Variants in PTPRT observed in about 807,000 individuals in gnomAD.
PTPRT encodes the protein receptor-type tyrosine-protein phosphatase T.
Under a neutral mutation model 176.8 loss-of-function variants are expected in PTPRT, and 56 were observed. The ratio of observed to expected loss-of-function variants is 0.32; its 90% CI spans 0.26 to 0.40. The LOEUF (loss-of-function observed/expected upper bound fraction) is 0.40. Among genes scored for constraint, PTPRT ranks in the 10% least tolerant of loss-of-function variants. The pLI, the probability that PTPRT is intolerant of heterozygous loss-of-function variation, is 1.00. For synonymous variants in PTPRT, 783 were observed against 739.0 expected (o/e 1.06, Z -0.96); for missense variants, 1,540 against 1,908.2 (o/e 0.81, Z 3.60).
At chr20:42,395,004 C>T (rs6130120) in intron 9 of PTPRT, among the ~76,000 whole-genome samples, 47,014 of 152,032 alleles carry the variant, frequency 0.31, 7,985 homozygotes, top group East Asian at 0.59. Context: ...ATATTTTCTG[C>T]CTACTCCGAG....
At chr20:42,492,085 C>T (rs1162284931) in intron 7 of PTPRT, among the ~76,000 whole-genome samples, 1 of 152,112 alleles carries the variant, frequency 6.6e-6, no homozygotes, top group Non-Finnish European at 1.5e-5. Context: ...TAACTATTCA[C>T]TCATTTAAGG....
chr20:42,388,180 G>A (rs558772783), intron 9 of PTPRT, among the ~76,000 whole-genome samples: 36 of 152,178 alleles, frequency 2.4e-4, no homozygotes, highest in African/African-American at 6.0e-4. Context: ...GTTAAGAAAC[G>A]TGATATAGCA....
At chr20:42,038,714 T>G in the PTPRT span, among the ~76,000 whole-genome samples, 1 of 152,166 alleles carries the variant, frequency 6.6e-6, no homozygotes, top group Non-Finnish European at 1.5e-5. Context: ...AGCTAACACA[T>G]GCATGGAGAC....
chr20:42,044,362 G>A, the PTPRT span, among the ~76,000 whole-genome samples: 2 of 152,158 alleles, frequency 1.3e-5, no homozygotes, highest in African/African-American at 4.8e-5. Context: ...TTGATTATGA[G>A]GACTTTACAA....
At chr20:42,718,461 C>T (rs1042729890) in intron 6 of PTPRT, among the ~76,000 whole-genome samples, 2 of 152,102 alleles carry the variant, frequency 1.3e-5, no homozygotes, top group African/African-American at 2.4e-5. Context: ...GGCGTGAACC[C>T]AGGGGGCGGA....
chr20:42,521,984 C>T (rs6030301), intron 7 of PTPRT, among the ~76,000 whole-genome samples: 141,070 of 151,934 alleles, frequency 0.93, 65,579 homozygotes, highest in African/African-American at 0.97. Context: ...TAGGTATGAC[C>T]GCCCTTTCAA....
chr20:43,180,559 G>T (rs1355273324), intron 1 of PTPRT, among the ~76,000 whole-genome samples: 2 of 151,746 alleles, frequency 1.3e-5, no homozygotes, highest in Non-Finnish European at 2.9e-5. Context: ...CACCTCCCAG[G>T]TTCAAACGAT....
chr20:43,112,470 A>G (rs1809968778), intron 1 of PTPRT, among the ~76,000 whole-genome samples: 1 of 152,178 alleles, frequency 6.6e-6, no homozygotes, highest in South Asian at 2.1e-4. Context: ...CATGTTACGT[A>G]ATATAAAGGG....
chr20:42,209,977 G>T (rs1434216677), intron 15 of PTPRT, among the ~76,000 whole-genome samples: 4 of 152,180 alleles, frequency 2.6e-5, no homozygotes, highest in Admixed American at 1.3e-4. Flanking sequence ...TCCCTGGGAT[G>T]CAAGGCTGGT....
At chr20:42,498,393 T>C (rs2071691779) in intron 7 of PTPRT, among the ~76,000 whole-genome samples, 1 of 152,064 alleles carries the variant, frequency 6.6e-6, no homozygotes, top group South Asian at 2.1e-4. Flanking sequence ...AATAGAGATC[T>C]TAAGGACTGA....
intron 7 of PTPRT, among the ~76,000 whole-genome samples, chr20:42,522,936 C>G (rs1188917505): frequency 6.6e-6 from 1 of 152,168 alleles, no homozygotes; most frequent in Non-Finnish European, 1.5e-5. Flanking sequence ...TATGGTGGCT[C>G]ATTTTCTGAT....
intron 7 of PTPRT, among the ~76,000 whole-genome samples, chr20:42,599,335 C>T (rs1472563567): frequency 1.3e-5 from 2 of 152,110 alleles, no homozygotes; most frequent in East Asian, 3.9e-4. Flanking sequence ...CAAGGAGCTC[C>T]TTATGTCATC....
At chr20:43,059,313 GTCATTTC>G (rs1454403100) in intron 1 of PTPRT, among the ~76,000 whole-genome samples, 1 of 151,992 alleles carries the variant, frequency 6.6e-6, no homozygotes, top group Non-Finnish European at 1.5e-5. Context: ...TCATTTTTGA[GTCATTTC>G]TCTCTTCCTT....
intron 2 of PTPRT, among the ~76,000 whole-genome samples, chr20:42,859,552 A>G (rs2078623472): frequency 6.6e-6 from 1 of 150,860 alleles, no homozygotes; most frequent in South Asian, 2.1e-4. Flanking sequence ...TATAATGCAC[A>G]TATCTGAGCT....
chr20:43,162,090 G>T (rs892177708), intron 1 of PTPRT, among the ~76,000 whole-genome samples: 1 of 152,152 alleles, frequency 6.6e-6, no homozygotes, highest in Admixed American at 6.5e-5. Context: ...CAAGTATGGT[G>T]CACATTTTAG....
chr20:42,124,167 C>T (rs1987736536), intron 19 of PTPRT, among the ~76,000 whole-genome samples: 1 of 152,336 alleles, frequency 6.6e-6, no homozygotes, highest in African/African-American at 2.4e-5. Flanking sequence ...AAACGTACTG[C>T]TCAATTGGGG....
At chr20:42,953,483 C>G (rs1263034854) in intron 1 of PTPRT, among the ~76,000 whole-genome samples, 2 of 152,188 alleles carry the variant, frequency 1.3e-5, no homozygotes, top group African/African-American at 4.8e-5. Context: ...ATAGGTGAGT[C>G]TGTAGTTAAG....
chr20:42,512,587 C>T (rs567434795), intron 7 of PTPRT, among the ~76,000 whole-genome samples: 3 of 152,116 alleles, frequency 2.0e-5, no homozygotes, highest in Admixed American at 6.6e-5. Flanking sequence ...TAAATATTTG[C>T]GTATTTATTT....
chr20:42,751,016 G>A (rs773958038), intron 6 of PTPRT, among the ~76,000 whole-genome samples: 9 of 152,176 alleles, frequency 5.9e-5, no homozygotes, highest in Middle Eastern at 3.4e-3. Context: ...TCTGTGTGTC[G>A]CCCTGAGAAT....
Sources: gnomAD v4.1 joint callset for allele counts (sites outside exome capture counted in the v4.1 genomes callset) on GRCh38, gnomAD v4.1.1 for gene constraint, MANE v1.5 for transcripts, NCBI Gene and HGNC (gene_info 2026-07-23, HGNC 2026-07-21) for gene names.